The following DLGAP2 variants were observed in gnomAD, a reference collection of about 807,000 sequenced individuals.
The protein encoded by DLGAP2 is disks large-associated protein 2.
In DLGAP2, 26 loss-of-function variants were observed where a neutral mutation model predicts 100.3. The ratio of observed to expected loss-of-function variants is 0.26; its 90% CI spans 0.19 to 0.36. The LOEUF (loss-of-function observed/expected upper bound fraction) is 0.36, where lower values mean the gene tolerates loss of function less well. Ranked by LOEUF, DLGAP2 falls within the 10% of genes least tolerant of loss-of-function variation. The pLI, the probability that DLGAP2 is intolerant of heterozygous loss-of-function variation, is 1.00. For missense variants in DLGAP2, 1,858 were observed against 1,453.2 expected, an observed-to-expected ratio of 1.28 and a Z score of -4.53; for synonymous variants, 886 against 630.1, an observed-to-expected ratio of 1.41 and a Z score of -6.08.
At chr8:1,588,154 G>C (rs1371779838) in intron 6 of DLGAP2, among the ~76,000 whole-genome samples, 2 of 152,284 alleles carry the variant, frequency 1.3e-5, no homozygotes, top group East Asian at 3.9e-4. Flanking sequence ...CCTTCAGAAT[G>C]TCTAACAGCA....
intron 2 of DLGAP2, among the ~76,000 whole-genome samples, chr8:1,121,774 A>C (rs555468487): frequency 1.3e-5 from 2 of 151,920 alleles, no homozygotes; most frequent in East Asian, 3.9e-4. Flanking sequence ...ATGACCACCC[A>C]TCCTTGTCTC....
chr8:943,315 A>G (rs969839154), intron 2 of DLGAP2, among the ~76,000 whole-genome samples: 2 of 151,944 alleles, frequency 1.3e-5, no homozygotes, highest in African/African-American at 4.8e-5. Flanking sequence ...AAAAAATCAT[A>G]CGGCGAGATT....
chr8:997,157 C>T (rs192697072), intron 2 of DLGAP2, among the ~76,000 whole-genome samples: 44 of 152,284 alleles, frequency 2.9e-4, no homozygotes, highest in African/African-American at 9.6e-4. Context: ...TGTAAACTAT[C>T]TCATGATCCT....
intron 3 of DLGAP2, among the ~76,000 whole-genome samples, chr8:1,414,070 G>C (rs1796809595): frequency 2.0e-5 from 3 of 152,212 alleles, no homozygotes; most frequent in Admixed American, 2.0e-4. Flanking sequence ...TTCCTCTGCT[G>C]TTAGTGTTGG....
At position 1,707,566 on chromosome 8, in the gene DLGAP2, T is replaced by C. The variant is rs1799740079; in HGVS notation, c.*6160T>C. The C allele has an allele frequency of 6.6e-6, 1 of 152,182 alleles. No homozygotes were observed. Among genetic ancestry groups the C allele is most frequent in the African/African-American group, 2.4e-5 (1 of 41,446 alleles). 9.4% of individuals were successfully genotyped at this position (152,182 alleles called of 1,614,324 possible). A position where few individuals can be genotyped will look rare whatever the true frequency, so the allele number is the denominator to read the frequency against. ...CCCTTACGAGCAGTGAGACCTAGGCTACTTTCGAACGCTTCCTTCCGAACG... is the reference window on the plus strand; with the variant it reads ...CCCTTACGAGCAGTGAGACCTAGGCCACTTTCGAACGCTTCCTTCCGAACG... On this transcript the variant is annotated 3_prime_UTR_variant, in exon 15 of 15. Coordinates refer to ENST00000637795, the MANE Select transcript of DLGAP2 (RefSeq NM_001346810.2).
intron 2 of DLGAP2, among the ~76,000 whole-genome samples, chr8:958,290 T>A (rs913830024): frequency 1.3e-5 from 2 of 152,190 alleles, no homozygotes; most frequent in African/African-American, 4.8e-5. Context: ...GTCGATCCAT[T>A]CATCTATTGA....
chr8:1,063,975 G>A (rs1301631768), intron 2 of DLGAP2, among the ~76,000 whole-genome samples: 1 of 152,176 alleles, frequency 6.6e-6, no homozygotes, highest in Non-Finnish European at 1.5e-5. Context: ...CGTCTGCCAT[G>A]CATGCCATTC....
chr8:764,516 A>T (rs2132595418), intron 1 of DLGAP2, among the ~76,000 whole-genome samples: 1 of 152,308 alleles, frequency 6.6e-6, no homozygotes, highest in African/African-American at 2.4e-5. Flanking sequence ...AGTAGGAAAT[A>T]CCTGTGGTGG....
intron 3 of DLGAP2, among the ~76,000 whole-genome samples, chr8:1,339,741 C>G (rs1450245450): frequency 1.3e-5 from 2 of 152,178 alleles, no homozygotes; most frequent in Admixed American, 1.3e-4. Context: ...GGCAGAGGAG[C>G]CACCTGCCCT....
At chr8:1,360,716 T>C (rs139503310) in intron 3 of DLGAP2, among the ~76,000 whole-genome samples, 92 of 152,138 alleles carry the variant, frequency 6.0e-4, no homozygotes, top group East Asian at 4.9e-3. Context: ...TGGAGATCGG[T>C]GGCCTCGTTC....
intron 3 of DLGAP2, among the ~76,000 whole-genome samples, chr8:1,490,402 G>C (rs1455389577): frequency 6.6e-6 from 1 of 152,220 alleles, no homozygotes; most frequent in African/African-American, 2.4e-5. Flanking sequence ...CAATACGTCA[G>C]CTAAAGAAGT....
At chr8:985,004 G>A (rs767942180) in intron 2 of DLGAP2, among the ~76,000 whole-genome samples, 35 of 152,220 alleles carry the variant, frequency 2.3e-4, no homozygotes, top group Non-Finnish European at 4.1e-4. Flanking sequence ...GATGTGAAAT[G>A]TCTCAGGCAT....
intron 3 of DLGAP2, among the ~76,000 whole-genome samples, chr8:1,370,754 C>T (rs966782741): frequency 6.6e-6 from 1 of 152,158 alleles, no homozygotes; most frequent in African/African-American, 2.4e-5. Flanking sequence ...GAGCCGGACT[C>T]GGCACCCAGG....
intron 6 of DLGAP2, among the ~76,000 whole-genome samples, chr8:1,601,451 C>A (rs184467875): frequency 6.6e-5 from 10 of 152,326 alleles, no homozygotes; most frequent in Admixed American, 5.9e-4. Flanking sequence ...GAAACGTTTA[C>A]GTCTGCTGAA....
intron 3 of DLGAP2, among the ~76,000 whole-genome samples, chr8:1,360,966 G>T (rs989236316): frequency 6.6e-6 from 1 of 152,232 alleles, no homozygotes; most frequent in East Asian, 1.9e-4. Context: ...GTCTAAAAGG[G>T]AAGTGGGTGA....
At chr8:1,557,609 C>G (rs147490365) in intron 5 of DLGAP2, among the ~76,000 whole-genome samples, 1 of 152,072 alleles carries the variant, frequency 6.6e-6, no homozygotes, top group Non-Finnish European at 1.5e-5. Flanking sequence ...GGTGCCATGA[C>G]GGGCATACAC....
intron 1 of DLGAP2, among the ~76,000 whole-genome samples, chr8:789,271 A>G (rs902749326): frequency 1.3e-5 from 2 of 152,240 alleles, no homozygotes; most frequent in Admixed American, 6.5e-5. Flanking sequence ...TGCGGGAAGC[A>G]TGGCTGGGAG....
At position 1,625,888 on chromosome 8, in the gene DLGAP2, C is replaced by CAA. The variant is rs572317959; in HGVS notation, c.1443-851_1443-850dup. Among the ~76,000 whole-genome samples the CAA allele has an allele frequency of 1.0e-3, 159 of 152,144 alleles. 2 individuals carry two copies. Among genetic ancestry groups the CAA allele is most frequent in the African/African-American group, 3.6e-3 (148 of 41,486 alleles). ...ATTTGCATATGGCAAAGTTACTCAT[C>CAA]AAGACACAGACATTCAGTTGGAAAT... On this transcript the variant is annotated intron_variant, in intron 6 of 14. Transcript: ENST00000637795.
At chr8:1,336,411 C>T (rs1290010810) in intron 3 of DLGAP2, among the ~76,000 whole-genome samples, 2 of 152,116 alleles carry the variant, frequency 1.3e-5, no homozygotes, top group Admixed American at 6.5e-5. Context: ...ACCGTGCATC[C>T]ACAGGCTGTC....
Sources: allele counts gnomAD v4.1 joint callset (sites outside exome capture counted in the v4.1 genomes callset), GRCh38; gene constraint gnomAD v4.1.1; transcripts MANE v1.5; gene names NCBI Gene and HGNC (gene_info 2026-07-23, HGNC 2026-07-21).